Variants in PDZD2 observed in about 807,000 individuals in gnomAD.
PDZD2 encodes PDZ domain containing 2.
A neutral mutation model predicts 220.7 loss-of-function variants in PDZD2; 90 were observed. The observed-to-expected ratio is 0.41, with a 90% CI of 0.34 to 0.49. The LOEUF (loss-of-function observed/expected upper bound fraction) is 0.49, where lower values mean the gene tolerates loss of function less well. Among genes scored for constraint, PDZD2 ranks in the 20% least tolerant of loss-of-function variants. PDZD2 has a pLI of 0.28. For missense variants in PDZD2, 3,174 were observed against 3,608.5 expected, an observed-to-expected ratio of 0.88 and a Z score of 3.08; for synonymous variants, 1,375 against 1,450.5, an observed-to-expected ratio of 0.95 and a Z score of 1.18.
intron 2 of PDZD2, among the ~76,000 whole-genome samples, chr5:31,980,928 C>T (rs1276353358): frequency 6.6e-6 from 1 of 152,096 alleles, no homozygotes; most frequent in Non-Finnish European, 1.5e-5. Flanking sequence ...AGACTACAGC[C>T]GCGCACCACC....
At chr5:31,980,250 A>C (rs990678817) in intron 2 of PDZD2, among the ~76,000 whole-genome samples, 1 of 152,048 alleles carries the variant, frequency 6.6e-6, no homozygotes, top group Non-Finnish European at 1.5e-5. Flanking sequence ...TTCTGTCTCT[A>C]TGGATTTGCC....
In PDZD2 at chr5:31,774,559, CA is replaced by C. The variant is rs995231750; in HGVS notation, c.-360-24323del. Among the ~76,000 whole-genome samples the C allele has an allele frequency of 1.3e-5, 2 of 151,540 alleles. 1 individual carries two copies. Among genetic ancestry groups the C allele is most frequent in the Non-Finnish European group, 2.9e-5 (2 of 67,916 alleles). ...TGAAACCCTATCTCGACTAAAAATA[CA>C]AAAAAAGTAGCCGGGTGTGGTGGTG... On this transcript the variant is annotated intron_variant, in intron 1 of 24. Transcript: ENST00000438447.
At chr5:31,960,101 C>T (rs1278822952) in intron 2 of PDZD2, among the ~76,000 whole-genome samples, 1 of 152,178 alleles carries the variant, frequency 6.6e-6, no homozygotes, top group Non-Finnish European at 1.5e-5. Flanking sequence ...AACAAGGTCA[C>T]ATTCTGAGGT....
intron 1 of PDZD2, among the ~76,000 whole-genome samples, chr5:31,644,822 G>A (rs1745075926): frequency 6.6e-6 from 1 of 152,192 alleles, no homozygotes; most frequent in African/African-American, 2.4e-5. Flanking sequence ...AATGAAACCA[G>A]ATAGCATTGA....
intron 1 of PDZD2, among the ~76,000 whole-genome samples, chr5:31,731,311 T>C (rs896336171): frequency 2.6e-5 from 4 of 152,200 alleles, no homozygotes; most frequent in African/African-American, 9.7e-5. Flanking sequence ...TTACTCAGGA[T>C]TGGTTTTATT....
intron 14 of PDZD2, 100 bp downstream of exon 14, chr5:32,061,234 A>T: frequency 8.6e-7 from 1 of 1,164,468 alleles, no homozygotes; most frequent in South Asian, 1.3e-5. Context: ...GGGGATAGGC[A>T]GGCAACCTAC....
chr5:31,692,491 G>A (rs993059186), intron 1 of PDZD2, among the ~76,000 whole-genome samples: 1 of 152,234 alleles, frequency 6.6e-6, no homozygotes, highest in Non-Finnish European at 1.5e-5. Context: ...GAGAGCGAGC[G>A]AGGGCTGTGA....
At chr5:32,023,942 G>T (rs1011929119) in intron 6 of PDZD2, among the ~76,000 whole-genome samples, 1 of 152,150 alleles carries the variant, frequency 6.6e-6, no homozygotes, top group African/African-American at 2.4e-5. Flanking sequence ...GCTCTGTCCC[G>T]CCTGGGACGT....
chr5:31,695,129 T>G, intron 1 of PDZD2, among the ~76,000 whole-genome samples: 1 of 143,186 alleles, frequency 7.0e-6, no homozygotes, highest in South Asian at 2.2e-4. Flanking sequence ...GTCTCCAAAT[T>G]AAAAAAAAAA....
At chr5:31,729,813 GTTGTTTTGTT>G (rs370346356) in intron 1 of PDZD2, among the ~76,000 whole-genome samples, 93 of 151,794 alleles carry the variant, frequency 6.1e-4, no homozygotes, top group African/African-American at 1.6e-3. Flanking sequence ...AGTTACTTCT[GTTGTTTTGTT>G]TTGTTTTGTT....
chr5:32,036,493 G>T (rs954381790), intron 6 of PDZD2, among the ~76,000 whole-genome samples: 2 of 152,094 alleles, frequency 1.3e-5, no homozygotes, highest in South Asian at 2.1e-4. Flanking sequence ...TAGTAAATGG[G>T]GGTTTTGTTT....
chr5:31,964,269 G>A (rs900852932), intron 2 of PDZD2, among the ~76,000 whole-genome samples: 2 of 152,170 alleles, frequency 1.3e-5, no homozygotes, highest in African/African-American at 4.8e-5. Context: ...GTGGCAGGTG[G>A]GAATCCCACC....
intron 2 of PDZD2, among the ~76,000 whole-genome samples, chr5:31,877,803 C>T (rs1039308939): frequency 6.6e-6 from 1 of 152,150 alleles, no homozygotes; most frequent in Non-Finnish European, 1.5e-5. Flanking sequence ...GATTATCCTA[C>T]CTCACCCTCC....
In PDZD2 at chr5:32,109,303, T is replaced by A. The variant is rs569571959; in HGVS notation, c.*1168T>A. The A allele has an allele frequency of 6.7e-6, 1 of 148,496 alleles. No individual in the cohort carries two copies. The highest frequency in any genetic ancestry group is 1.5e-5 in the Non-Finnish European group (1 of 67,638). 9.2% of individuals were successfully genotyped at this position (148,496 alleles called of 1,614,324 possible). ...TAGTATAATGACAACTGCAGTGACT[T>A]AAGTTTTTGCTGTTTTCGTTTTCCC... On this transcript the variant is annotated 3_prime_UTR_variant, in exon 25 of 25. Transcript: ENST00000438447.
At chr5:32,091,279 C>CTTTTT (rs57254389) in intron 20 of PDZD2, 104 bp downstream of exon 20, 74 of 262,508 alleles carry the variant, frequency 2.8e-4, no homozygotes, top group African/African-American at 5.3e-4. Context: ...TTCCCACTTA[C>CTTTTT]TTTTTTTTTT....
intron 2 of PDZD2, chr5:31,822,429 C>A (rs1580826189): frequency 5.2e-6 from 2 of 388,034 alleles, no homozygotes; most frequent in East Asian, 6.5e-5. Context: ...CACCACCACA[C>A]CTGGCTAATT....
At chr5:31,920,536 C>G (rs796652603) in intron 2 of PDZD2, among the ~76,000 whole-genome samples, 1 of 149,390 alleles carries the variant, frequency 6.7e-6, no homozygotes, top group African/African-American at 2.5e-5. Flanking sequence ...TCCAGGCACT[C>G]TGGCTTACAC....
At chr5:32,002,049 T>A (rs1290466860) in intron 5 of PDZD2, among the ~76,000 whole-genome samples, 1 of 152,168 alleles carries the variant, frequency 6.6e-6, no homozygotes, top group African/African-American at 2.4e-5. Flanking sequence ...GCGTCATAGG[T>A]CTCTTTATAT....
intron 1 of PDZD2, among the ~76,000 whole-genome samples, chr5:31,699,785 T>TG (rs1561391505): frequency 7.0e-6 from 1 of 141,850 alleles, no homozygotes; most frequent in Admixed American, 7.1e-5. Context: ...TTGTTTGTTT[T>TG]TTTTTTGTTT....
Sources: gnomAD v4.1 joint callset for allele counts (sites outside exome capture counted in the v4.1 genomes callset) on GRCh38, gnomAD v4.1.1 for gene constraint, MANE v1.5 for transcripts, NCBI Gene and HGNC (gene_info 2026-07-23, HGNC 2026-07-21) for gene names.